The following GTF3C2 variants were observed in gnomAD, a reference collection of about 807,000 sequenced individuals.
GTF3C2 encodes the protein general transcription factor IIIC subunit 2.
In GTF3C2, 17 loss-of-function variants were observed where a neutral mutation model predicts 117.4. The ratio of observed to expected loss-of-function variants is 0.14; its 90% CI spans 0.10 to 0.22. GTF3C2 has a LOEUF of 0.22. Ranked by LOEUF, GTF3C2 falls within the 10% of genes least tolerant of loss-of-function variation. GTF3C2 has a pLI of 1.00. For missense variants in GTF3C2, 888 were observed against 1,143.6 expected, an observed-to-expected ratio of 0.78 and a Z score of 3.22; for synonymous variants, 437 against 427.0, an observed-to-expected ratio of 1.02 and a Z score of -0.29.
intron 1 of GTF3C2, among the ~76,000 whole-genome samples, chr2:27,353,456 TGAGACA>T (rs1252436074): frequency 2.6e-5 from 4 of 152,040 alleles, no homozygotes; most frequent in African/African-American, 9.7e-5. Context: ...TTTGTTTTTT[TGAGACA>T]GAGTCACGCT....
At chr2:27,343,560 C>A (rs1425434875) in exon 2 of GTF3C2, 3 of 1,613,192 alleles carry the variant, frequency 1.9e-6, no homozygotes, top group Admixed American at 1.7e-5. Context: ...TCCATCAGCA[C>A]CCCCCAAAAT....
chr2:27,343,953 C>T (rs1680832344), intron 1 of GTF3C2, among the ~76,000 whole-genome samples: 1 of 150,540 alleles, frequency 6.6e-6, no homozygotes, highest in Admixed American at 6.6e-5. Flanking sequence ...ACAAGACAGA[C>T]AAGGTCCCTG....
At chr2:27,328,100 A>G (rs1049817) in exon 17 of GTF3C2, 653,958 of 1,609,112 alleles carry the variant, frequency 0.41, 139,582 homozygotes, top group African/African-American at 0.69. Context: ...TTCGAGCCTT[A>G]GGAGGGTTGG....
At chr2:27,343,347 G>T in exon 2 of GTF3C2, 1 of 1,613,964 alleles carries the variant, frequency 6.2e-7, no homozygotes, top group East Asian at 2.2e-5. Flanking sequence ...TGCTCTGGAG[G>T]GAGCCTCCTC....
exon 4 of GTF3C2, chr2:27,342,144 C>T (rs1421417858): frequency 1.9e-6 from 3 of 1,614,016 alleles, no homozygotes; most frequent in East Asian, 4.5e-5. Context: ...TTTGGTGGGG[C>T]TGCTCACCTT....
intron 12 of GTF3C2, 182 bp downstream of exon 12, chr2:27,333,473 A>G (rs558697247): frequency 3.1e-5 from 17 of 555,688 alleles, no homozygotes; most frequent in South Asian, 2.3e-4. Context: ...ATGTACTCTT[A>G]ATTTTTTTCT....
At chr2:27,335,543 T>C (rs1680434499) in intron 10 of GTF3C2, 55 bp downstream of exon 10, 1 of 1,009,946 alleles carries the variant, frequency 9.9e-7, no homozygotes, top group African/African-American at 1.6e-5. Context: ...AGACAGGCCC[T>C]GCTATGCTGT....
At chr2:27,327,446 T>A (rs909812980) in intron 17 of GTF3C2, among the ~76,000 whole-genome samples, 162 bp from the exon 18 acceptor site, 11 of 151,822 alleles carry the variant, frequency 7.2e-5, no homozygotes, top group African/African-American at 2.4e-4. Flanking sequence ...CGCCTCAGCC[T>A]CCTGAGTAGC....
chr2:27,342,039 T>C, exon 4 of GTF3C2: 1 of 1,614,120 alleles, frequency 6.2e-7, no homozygotes, highest in East Asian at 2.2e-5. Context: ...TTCCACATCT[T>C]CAGCCTCAAC....
intron 18 of GTF3C2, 120 bp from the exon 19 acceptor site, chr2:27,327,013 G>A (rs1392360997): frequency 2.8e-6 from 2 of 710,234 alleles, no homozygotes; most frequent in Admixed American, 2.7e-5. Context: ...ACCATGAGGG[G>A]TGACAGAGGT....
At chr2:27,326,478 C>T (rs1486336918) in exon 19 of GTF3C2, 12 of 597,490 alleles carry the variant, frequency 2.0e-5, no homozygotes, top group Admixed American at 3.0e-5. Flanking sequence ...GGAGGGAGAG[C>T]CCCCCTGCCC....
At chr2:27,351,741 G>T (rs895307937) in intron 1 of GTF3C2, among the ~76,000 whole-genome samples, 2 of 152,122 alleles carry the variant, frequency 1.3e-5, no homozygotes, top group African/African-American at 4.8e-5. Flanking sequence ...TCCAGACAAT[G>T]AAATTTCTCA....
chr2:27,336,114 T>G, intron 8 of GTF3C2, 84 bp downstream of exon 8: 3 of 1,403,558 alleles, frequency 2.1e-6, no homozygotes, highest in Non-Finnish European at 3.0e-6. Flanking sequence ...CTCAGCCCAA[T>G]CCAAGCCCTT....
At chr2:27,342,828 T>C (rs1268124638) in exon 3 of GTF3C2, 9 of 1,611,780 alleles carry the variant, frequency 5.6e-6, no homozygotes, top group Non-Finnish European at 6.8e-6. Flanking sequence ...ATCCTTACAC[T>C]TGGGCAGCCC....
chr2:27,350,614 AC>A (rs1191385253), intron 1 of GTF3C2: 5 of 525,924 alleles, frequency 9.5e-6, no homozygotes, highest in Non-Finnish European at 1.2e-5. Context: ...AGCCTGGGCA[AC>A]ACAGCAAGAC....
At chr2:27,326,961 ATG>A in intron 18 of GTF3C2, 68 bp from the exon 19 acceptor site, 1 of 950,424 alleles carries the variant, frequency 1.1e-6, no homozygotes, top group Admixed American at 2.7e-5. Context: ...TCCTAGCTGT[ATG>A]AACAAAAAAA....
intron 9 of GTF3C2, 96 bp from the exon 10 acceptor site, chr2:27,335,802 G>A (rs1328789769): frequency 1.9e-6 from 2 of 1,080,528 alleles, no homozygotes; most frequent in Non-Finnish European, 2.8e-6. Context: ...TGAAGTTGCT[G>A]GAAAAACTCC....
intron 1 of GTF3C2, among the ~76,000 whole-genome samples, chr2:27,347,463 G>A (rs1189580255): frequency 4.6e-5 from 7 of 152,070 alleles, no homozygotes; most frequent in Non-Finnish European, 1.5e-5. Flanking sequence ...CACTGCCAAG[G>A]TAAATAAAGG....
chr2:27,354,055 TAAAAAA>T (rs11399437), intron 1 of GTF3C2, among the ~76,000 whole-genome samples: 1 of 117,176 alleles, frequency 8.5e-6, no homozygotes, highest in Non-Finnish European at 1.8e-5. Flanking sequence ...AGCAAAACAT[TAAAAAA>T]AAAAAAAAAA....
Sources: allele counts gnomAD v4.1 joint callset (sites outside exome capture counted in the v4.1 genomes callset), GRCh38; gene constraint gnomAD v4.1.1; transcripts MANE v1.5; gene names NCBI Gene and HGNC (gene_info 2026-07-23, HGNC 2026-07-21).